The following XRCC4 variants were observed in gnomAD, a reference collection of about 807,000 sequenced individuals.
The protein encoded by XRCC4 is DNA repair protein XRCC4.
Under a neutral mutation model 39.1 loss-of-function variants are expected in XRCC4, and 28 were observed. That is an observed-to-expected ratio of 0.72 (90% CI 0.53 to 0.98). The LOEUF is 0.98. Among genes scored for constraint, XRCC4 ranks in the 50% least tolerant of loss-of-function variants. XRCC4 has a pLI of 0.00. For synonymous variants in XRCC4, 123 were observed against 126.4 expected (o/e 0.97, Z 0.18); for missense variants, 350 against 376.4 (o/e 0.93, Z 0.58).
intron 7 of XRCC4, among the ~76,000 whole-genome samples, chr5:83,324,895 A>G (rs1756197212): frequency 6.6e-6 from 1 of 152,160 alleles, no homozygotes; most frequent in African/African-American, 2.4e-5. Context: ...AGTAATTTGA[A>G]AATAGACTTA....
chr5:83,350,592 C>T (rs934259467), intron 7 of XRCC4, among the ~76,000 whole-genome samples: 2 of 151,988 alleles, frequency 1.3e-5, no homozygotes, highest in Non-Finnish European at 2.9e-5. Flanking sequence ...TGTTCATGTC[C>T]TTTGCCCATT....
chr5:83,098,122 T>G (rs1314507205), intron 1 of XRCC4, among the ~76,000 whole-genome samples: 1 of 152,118 alleles, frequency 6.6e-6, no homozygotes, highest in Non-Finnish European at 1.5e-5. Context: ...AAATGAGAAG[T>G]AATATGATAT....
intron 7 of XRCC4, among the ~76,000 whole-genome samples, chr5:83,314,239 G>C (rs1755806096): frequency 6.6e-6 from 1 of 152,058 alleles, no homozygotes; most frequent in Admixed American, 6.6e-5. Flanking sequence ...CTCTAACAAA[G>C]GGATGTAAGT....
chr5:83,309,282 AAAAAAAAAAAAAAAAT>A (rs901322480), intron 7 of XRCC4, among the ~76,000 whole-genome samples: 8 of 119,884 alleles, frequency 6.7e-5, no homozygotes, highest in African/African-American at 1.3e-4. Flanking sequence ...AAAAAAAAAA[AAAAAAAAAAAAAAAAT>A]ATATATATAT....
In XRCC4 at chr5:83,346,191, A is replaced by C. The variant is rs16900342; in HGVS notation, c.894-6940A>C. On this transcript the variant is annotated intron_variant, in intron 7 of 7. Coordinates refer to ENST00000396027, the MANE Select transcript of XRCC4 (RefSeq NM_003401.5). ...TTAATTCACATTAATCATTTATTCC[A>C]CAAATATTTCTTGAGAGCCTGTATT... is the stretch of plus-strand genomic sequence containing the variant. 3.4e-3 allele frequency among the ~76,000 whole-genome samples: 514 copies of C among 152,252 alleles called. 16 individuals carry two copies. In the East Asian group the frequency reaches 0.077, roughly 23 times the overall value.
At chr5:83,303,391 T>C (rs1343773035) in intron 7 of XRCC4, among the ~76,000 whole-genome samples, 1 of 152,128 alleles carries the variant, frequency 6.6e-6, no homozygotes, top group Non-Finnish European at 1.5e-5. Flanking sequence ...AACCAAAACA[T>C]TTGTACATTT....
At chr5:83,180,221 A>G (rs371050914) in intron 3 of XRCC4, among the ~76,000 whole-genome samples, 41 of 152,120 alleles carry the variant, frequency 2.7e-4, no homozygotes, top group African/African-American at 9.2e-4. Context: ...ATTTCATGGA[A>G]TCTGGATTAT....
chr5:83,238,340 T>C (rs1426125905), intron 6 of XRCC4, among the ~76,000 whole-genome samples: 1 of 152,226 alleles, frequency 6.6e-6, no homozygotes, highest in South Asian at 2.1e-4. Context: ...TCTTGCCTCC[T>C]TAATGAATGC....
chr5:83,326,595 C>T (rs1756270104), intron 7 of XRCC4, among the ~76,000 whole-genome samples: 1 of 151,960 alleles, frequency 6.6e-6, no homozygotes, highest in Admixed American at 6.6e-5. Flanking sequence ...ATTTTCCAGG[C>T]TTTGAACTAC....
At chr5:83,162,328 T>C (rs909224432) in intron 3 of XRCC4, among the ~76,000 whole-genome samples, 2 of 152,216 alleles carry the variant, frequency 1.3e-5, no homozygotes, top group Admixed American at 1.3e-4. Context: ...TGCTTGCTGT[T>C]GTCATTTTTA....
chr5:83,348,052 T>C (rs1473890631), intron 7 of XRCC4, among the ~76,000 whole-genome samples: 1 of 152,188 alleles, frequency 6.6e-6, no homozygotes, highest in Non-Finnish European at 1.5e-5. Context: ...AGGGGTAGAC[T>C]CCTAAGTCCT....
chr5:83,348,396 C>A lies in XRCC4; in HGVS notation c.894-4735C>A, dbSNP rs115793459. On this transcript the variant is annotated intron_variant, in intron 7 of 7. Transcript: ENST00000396027. ...GGAGGTTCTCAAGCCTCAGCTCTTG[C>A]ACTCTGCACATCTGCAGGCTTAACA... Among the ~76,000 whole-genome samples, 647 of 152,378 alleles carry A rather than the reference C, an allele frequency of 4.2e-3. 4 individuals are homozygous for A. Among genetic ancestry groups the A allele is most frequent in the African/African-American group, 0.015 (636 of 41,596 alleles).
intron 7 of XRCC4, among the ~76,000 whole-genome samples, chr5:83,276,402 G>A (rs921858850): frequency 4.6e-5 from 7 of 151,806 alleles, no homozygotes; most frequent in Non-Finnish European, 1.0e-4. Flanking sequence ...AGAGGTGATT[G>A]GGTTATGAGG....
intron 6 of XRCC4, among the ~76,000 whole-genome samples, chr5:83,207,806 C>T (rs898101110): frequency 1.3e-5 from 2 of 151,956 alleles, no homozygotes; most frequent in Non-Finnish European, 2.9e-5. Flanking sequence ...TTTTGGTACT[C>T]TATGTAGTAT....
At chr5:83,354,837 GTC>G (rs534683164), downstream of XRCC4, among the ~76,000 whole-genome samples, 65 of 152,132 alleles carry the variant, frequency 4.3e-4, no homozygotes, top group Non-Finnish European at 7.8e-4. Context: ...CTCCCTTTGT[GTC>G]TCTCTACTGC....
chr5:83,293,330 A>G (rs1339132437), intron 7 of XRCC4, among the ~76,000 whole-genome samples: 2 of 140,898 alleles, frequency 1.4e-5, no homozygotes, highest in African/African-American at 3.2e-5. Context: ...TGCTTAACCT[A>G]TCAGTGCTTT....
At chr5:83,369,615 G>A in the XRCC4 span, among the ~76,000 whole-genome samples, 2 of 152,216 alleles carry the variant, frequency 1.3e-5, no homozygotes, top group African/African-American at 4.8e-5. Flanking sequence ...ATTCCACGGT[G>A]TATATGTACC....
At chr5:83,133,270 C>G (rs1747697073) in intron 3 of XRCC4, among the ~76,000 whole-genome samples, 1 of 152,150 alleles carries the variant, frequency 6.6e-6, no homozygotes, top group Non-Finnish European at 1.5e-5. Context: ...AGAGGGGCAC[C>G]TGGCCATCTG....
At chr5:83,120,416 C>T (rs1746954614) in intron 3 of XRCC4, among the ~76,000 whole-genome samples, 1 of 152,200 alleles carries the variant, frequency 6.6e-6, no homozygotes, top group Admixed American at 6.5e-5. Context: ...TGCAGTCAGG[C>T]TCCCAACTAC....
Sources: gnomAD v4.1 joint callset for allele counts (sites outside exome capture counted in the v4.1 genomes callset) on GRCh38, gnomAD v4.1.1 for gene constraint, MANE v1.5 for transcripts, NCBI Gene and HGNC (gene_info 2026-07-23, HGNC 2026-07-21) for gene names.